The following MYO9A variants were observed in gnomAD, a reference collection of about 807,000 sequenced individuals.
The protein encoded by MYO9A is unconventional myosin-IXa.
In MYO9A, 103 loss-of-function variants were observed where a neutral mutation model predicts 293.3. That is an observed-to-expected ratio of 0.35 (90% CI 0.30 to 0.41). The LOEUF (loss-of-function observed/expected upper bound fraction) is 0.41. Among genes scored for constraint, MYO9A ranks in the 10% least tolerant of loss-of-function variants. The pLI is 1.00. For missense variants in MYO9A, 2,685 were observed against 3,033.0 expected, an observed-to-expected ratio of 0.89 and a Z score of 2.69; for synonymous variants, 1,001 against 1,035.7, an observed-to-expected ratio of 0.97 and a Z score of 0.64.
At chr15:71,953,079 A>G (rs1421102018) in intron 14 of MYO9A, among the ~76,000 whole-genome samples, 3 of 152,256 alleles carry the variant, frequency 2.0e-5, no homozygotes, top group Non-Finnish European at 2.9e-5. Context: ...TTTTCATAAT[A>G]AAAGTAACTA....
Position 71,897,756 on chromosome 15 carries a change from C to T in MYO9A, c.4747G>A (p.Ala1583Thr), listed in dbSNP as rs2057371898. The T allele has an allele frequency of 1.2e-6, 2 of 1,614,020 alleles. No individual in the cohort carries two copies. Among genetic ancestry groups the T allele is most frequent in the African/African-American group, 1.3e-5 (1 of 75,018 alleles). The change falls in exon 25 of 42, where the codon GCT becomes ACT. Residue 1583 changes from alanine (A) to threonine (T), a missense_variant. By Grantham distance (58) the Ala-to-Thr change is moderately conservative. Coordinates refer to ENST00000356056, the MANE Select transcript of MYO9A (RefSeq NM_006901.4). ...VLGSLSLKDA[A>T]LAQKDSSSAH... Reference sequence around the variant, plus strand: ...GAGGAACTGTCTTTTTGGGCAAGAGCTGCATCTTTTAATGATAGGGACCCC... The same window carrying T: ...GAGGAACTGTCTTTTTGGGCAAGAGTTGCATCTTTTAATGATAGGGACCCC...
intron 6 of MYO9A, among the ~76,000 whole-genome samples, chr15:72,017,304 C>T (rs944124030): frequency 6.6e-6 from 1 of 152,124 alleles, no homozygotes; most frequent in Non-Finnish European, 1.5e-5. Flanking sequence ...TGAGCCACTA[C>T]TCTCGGCCCC....
rs139065274 is a variant in MYO9A at position 71,919,204 on chromosome 15, G to C, written c.2563-2712C>G. 3.1e-3 allele frequency among the ~76,000 whole-genome samples: 478 copies of C among 152,274 alleles called. 5 individuals are homozygous for C. Among genetic ancestry groups the C allele is most frequent in the African/African-American group, 0.011 (464 of 41,552 alleles). On this transcript the variant is annotated intron_variant, in intron 18 of 41. Coordinates refer to ENST00000356056, the MANE Select transcript of MYO9A (RefSeq NM_006901.4). ...GGCTCAGGGCTATAATCCGAGAACG[G>C]CTGAGGCAGGCAGATCACCTGAGCT...
intron 13 of MYO9A, among the ~76,000 whole-genome samples, chr15:71,965,142 T>A (rs796847623): frequency 2.0e-5 from 3 of 151,798 alleles, no homozygotes; most frequent in African/African-American, 7.2e-5. Flanking sequence ...GTAATTTATA[T>A]TGTCATTTCT....
At chr15:71,951,293 C>A (rs2059044410) in intron 15 of MYO9A, among the ~76,000 whole-genome samples, 1 of 152,092 alleles carries the variant, frequency 6.6e-6, no homozygotes, top group Non-Finnish European at 1.5e-5. Context: ...AGGGCTATGA[C>A]AAAACTTTTT....
rs533954396 is a variant in MYO9A, at chr15:72,054,979, C to G, written c.-71-8345G>C. Among the ~76,000 whole-genome samples the G allele has an allele frequency of 3.3e-5, 5 of 150,660 alleles. No homozygotes were observed. In the East Asian group the frequency reaches 9.7e-4, roughly 29 times the overall value. On this transcript the variant is annotated intron_variant, in intron 1 of 41. Transcript: ENST00000356056. ...AAACAGAATTTGAGATAAGATGTGACGAGACTGTATATCAGCTAATCATTA... is the reference window on the plus strand; with the variant it reads ...AAACAGAATTTGAGATAAGATGTGAGGAGACTGTATATCAGCTAATCATTA...
intron 28 of MYO9A, among the ~76,000 whole-genome samples, chr15:71,883,126 C>T (rs1596101345): frequency 6.6e-6 from 1 of 152,090 alleles, no homozygotes; most frequent in Non-Finnish European, 1.5e-5. Flanking sequence ...TTCTCTGTGC[C>T]TGAGTTTTCT....
intron 19 of MYO9A, among the ~76,000 whole-genome samples, chr15:71,916,084 G>T (rs1005419313): frequency 6.6e-6 from 1 of 152,060 alleles, no homozygotes; most frequent in East Asian, 1.9e-4. Context: ...AAGCAGCAGG[G>T]TTTAAAGGCA....
intron 19 of MYO9A, among the ~76,000 whole-genome samples, chr15:71,910,830 C>T (rs1040452402): frequency 1.3e-5 from 2 of 152,122 alleles, no homozygotes; most frequent in Admixed American, 1.3e-4. Flanking sequence ...CCTTTTAAAA[C>T]ACTGATTTTT....
chr15:71,862,222 G>C lies in MYO9A; in HGVS notation c.6091+278C>G, dbSNP rs541432710. 2.6e-5 allele frequency among the ~76,000 whole-genome samples: 4 copies of C among 152,254 alleles called. No individual in the cohort carries two copies. In the South Asian group the frequency reaches 8.3e-4, roughly 32 times the overall value. ...AGCTCTCTGAGAAGGTGAGATGTGA[G>C]TGTAGGCATGAAGTAATTGAAATAT... On this transcript the variant is annotated intron_variant, in intron 33 of 41. Transcript: ENST00000356056.
intron 39 of MYO9A, among the ~76,000 whole-genome samples, chr15:71,837,194 G>T (rs1248125967): frequency 1.3e-5 from 2 of 152,020 alleles, no homozygotes; most frequent in Non-Finnish European, 2.9e-5. Context: ...TCTAGGGCAG[G>T]TGATAGGGTA....
intron 1 of MYO9A, among the ~76,000 whole-genome samples, chr15:72,085,117 G>T (rs1314314711): frequency 6.6e-6 from 1 of 152,086 alleles, no homozygotes; most frequent in Non-Finnish European, 1.5e-5. Context: ...GCAGCTGGCC[G>T]GGCGTGGTGG....
chr15:71,870,088 A>G (rs1392394187), intron 32 of MYO9A, among the ~76,000 whole-genome samples: 1 of 152,192 alleles, frequency 6.6e-6, no homozygotes, highest in African/African-American at 2.4e-5. Flanking sequence ...TGACACTTCC[A>G]AGCCATGCCT....
intron 31 of MYO9A, among the ~76,000 whole-genome samples, chr15:71,876,148 ATT>A (rs398039451): frequency 6.9e-6 from 1 of 144,184 alleles, no homozygotes; most frequent in Non-Finnish European, 1.5e-5. Flanking sequence ...TCATTAATTG[ATT>A]TTTTTTTTTT....
chr15:71,902,933 A>G lies in MYO9A; in HGVS notation c.3000+8T>C. On this transcript the variant is annotated splice_region_variant and intron_variant, in intron 22 of 41. Transcript: ENST00000356056. ...AATTTTGACCAGAGCTATACAGATT[A>G]TATTTACCATGGTTTTTCCAACTTG... 2 of 1,563,512 alleles carry G rather than the reference A, an allele frequency of 1.3e-6. No individual in the cohort carries two copies. The highest frequency in any genetic ancestry group is 1.7e-6 in the Non-Finnish European group (2 of 1,143,280).
intron 10 of MYO9A, among the ~76,000 whole-genome samples, chr15:71,992,817 TATA>T (rs1262487720): frequency 6.6e-6 from 1 of 151,408 alleles, no homozygotes; most frequent in East Asian, 1.9e-4. Flanking sequence ...ATTATAAAAA[TATA>T]AGAATAAATA....
At chr15:72,077,733 GAAAAAAAAAAAA>G (rs60518266) in intron 1 of MYO9A, among the ~76,000 whole-genome samples, 1 of 87,410 alleles carries the variant, frequency 1.1e-5, no homozygotes, top group East Asian at 3.7e-4. Flanking sequence ...CTGTCTCAAA[GAAAAAAAAAAAA>G]AAAAAAAATA....
chr15:71,854,240 A>T, intron 35 of MYO9A, 137 bp downstream of exon 35: 1 of 705,448 alleles, frequency 1.4e-6, no homozygotes, highest in Middle Eastern at 4.1e-4. Context: ...CCAAAAAATG[A>T]TAACAAAGCA....
intron 6 of MYO9A, among the ~76,000 whole-genome samples, chr15:72,017,830 T>G (rs866599512): frequency 6.6e-5 from 10 of 152,210 alleles, no homozygotes; most frequent in Non-Finnish European, 1.0e-4. Context: ...ATAGGAAGAT[T>G]AGTATGTGTT....
Sources: allele counts gnomAD v4.1 joint callset (sites outside exome capture counted in the v4.1 genomes callset), GRCh38; gene constraint gnomAD v4.1.1; transcripts MANE v1.5; gene names NCBI Gene and HGNC (gene_info 2026-07-23, HGNC 2026-07-21).